Variants in MBOAT1 observed in about 807,000 individuals in gnomAD.
MBOAT1 encodes the protein membrane-bound glycerophospholipid O-acyltransferase 1.
MBOAT1 carries 67 observed loss-of-function variants against 64.4 expected under a neutral mutation model. The ratio of observed to expected loss-of-function variants is 1.04; its 90% CI spans 0.85 to 1.27. The LOEUF is 1.27. MBOAT1 is among the 50% of genes most tolerant of loss of function. The pLI is 0.00. For missense variants in MBOAT1, 563 were observed against 604.6 expected, an observed-to-expected ratio of 0.93 and a Z score of 0.72; for synonymous variants, 229 against 218.9, an observed-to-expected ratio of 1.05 and a Z score of -0.41.
chr6:20,191,879 G>T (rs867047322), intron 1 of MBOAT1, among the ~76,000 whole-genome samples: 1 of 152,112 alleles, frequency 6.6e-6, no homozygotes, highest in Non-Finnish European at 1.5e-5. Flanking sequence ...ACTCCCATAT[G>T]ATAGAACAAA....
chr6:20,104,546 G>C (rs1439239290), intron 12 of MBOAT1, among the ~76,000 whole-genome samples: 1 of 152,244 alleles, frequency 6.6e-6, no homozygotes, highest in East Asian at 1.9e-4. Context: ...ATCAATACCT[G>C]CAAGTAATTA....
Position 20,112,175 on chromosome 6 carries a change from T to G in MBOAT1, c.1209+701A>C, listed in dbSNP as rs1455007175. Among the ~76,000 whole-genome samples, 3 of 151,700 alleles carry G rather than the reference T, an allele frequency of 2.0e-5. No individual in the cohort carries two copies. In the East Asian group the frequency reaches 5.8e-4, roughly 30 times the overall value. Reference sequence around the variant, plus strand: ...ATTAAAACAAAATTAAATACAAAACTCCTGTATTTGGCAATGAAAGCACTG... The same window carrying G: ...ATTAAAACAAAATTAAATACAAAACGCCTGTATTTGGCAATGAAAGCACTG... On this transcript the variant is annotated intron_variant, in intron 11 of 12. Transcript: ENST00000324607.
intron 1 of MBOAT1, among the ~76,000 whole-genome samples, chr6:20,185,682 C>T (rs188781468): frequency 6.5e-4 from 99 of 152,300 alleles, no homozygotes; most frequent in Middle Eastern, 3.4e-3. Context: ...AGCCTAGCAC[C>T]CATGACAGTG....
chr6:20,110,463 G>A (rs2113629755), intron 11 of MBOAT1, among the ~76,000 whole-genome samples: 1 of 148,726 alleles, frequency 6.7e-6, no homozygotes, highest in East Asian at 2.0e-4. Context: ...CAATCCTTCT[G>A]CCTCGGCCTC....
At chr6:20,164,306 A>C (rs1761952300) in intron 1 of MBOAT1, among the ~76,000 whole-genome samples, 1 of 151,992 alleles carries the variant, frequency 6.6e-6, no homozygotes, top group Non-Finnish European at 1.5e-5. Flanking sequence ...CATCATGAAA[A>C]GTAACCTCAA....
chr6:20,212,367 G>C lies in MBOAT1; in HGVS notation c.-133C>G. The C allele has an allele frequency of 1.3e-6, 1 of 757,246 alleles. No homozygotes were observed. The highest frequency in any genetic ancestry group is 2.8e-5 in the East Asian group (1 of 36,060). 46.9% of individuals were successfully genotyped at this position (757,246 alleles called of 1,614,324 possible). A position where few individuals can be genotyped will look rare whatever the true frequency, so the allele number is the denominator to read the frequency against. ...GCCTGGTTCGCGGGGGAGCGAACGG[G>C]AGGCCGGGGAATGCGAACCGGCGCA... On this transcript the variant is annotated 5_prime_UTR_variant, in exon 1 of 13. Transcript: ENST00000324607.
intron 1 of MBOAT1, among the ~76,000 whole-genome samples, chr6:20,155,351 G>C (rs1421044254): frequency 6.6e-6 from 1 of 152,168 alleles, no homozygotes; most frequent in Non-Finnish European, 1.5e-5. Flanking sequence ...AGAGAAACAA[G>C]GTATGTTCCC....
At position 20,128,591 on chromosome 6, in the gene MBOAT1, ATATT is replaced by A. The variant is rs1010709316; in HGVS notation, c.530+104_530+107del. 52 of 761,796 alleles carry A rather than the reference ATATT, an allele frequency of 6.8e-5. No individual in the cohort carries two copies. In the African/African-American group the frequency reaches 8.7e-4, roughly 13 times the overall value. 47.2% of individuals were successfully genotyped at this position (761,796 alleles called of 1,614,324 possible). On this transcript the variant is annotated intron_variant, in intron 6 of 12. Coordinates refer to ENST00000324607, the MANE Select transcript of MBOAT1 (RefSeq NM_001080480.3). Reference sequence around the variant, plus strand: ...CAATAGCAGATTCATAAAATAAATGATATTATATCCATAGAACAGAATTAATGTG... The same window carrying A: ...CAATAGCAGATTCATAAAATAAATGAATATCCATAGAACAGAATTAATGTG...
intron 7 of MBOAT1, among the ~76,000 whole-genome samples, chr6:20,125,137 A>G (rs1289369879): frequency 6.6e-6 from 1 of 151,980 alleles, no homozygotes; most frequent in Non-Finnish European, 1.5e-5. Context: ...GATATAGTCT[A>G]CTCTGGGGTT....
chr6:20,207,280 C>T (rs1763292498), intron 1 of MBOAT1, among the ~76,000 whole-genome samples: 1 of 152,168 alleles, frequency 6.6e-6, no homozygotes, highest in Non-Finnish European at 1.5e-5. Context: ...CTTCCGTATG[C>T]CTTCACAAAA....
At chr6:20,107,069 C>A (rs1759979941) in intron 12 of MBOAT1, among the ~76,000 whole-genome samples, 1 of 152,140 alleles carries the variant, frequency 6.6e-6, no homozygotes, top group African/African-American at 2.4e-5. Context: ...TCCTAAAGAA[C>A]TTTTTAGTAA....
At chr6:20,112,233 T>C (rs920065129) in intron 11 of MBOAT1, among the ~76,000 whole-genome samples, 1 of 152,106 alleles carries the variant, frequency 6.6e-6, no homozygotes, top group Non-Finnish European at 1.5e-5. Flanking sequence ...GTTCGTCTCC[T>C]TCTTGGAGGA....
chr6:20,122,491 C>T (rs940880072), intron 8 of MBOAT1, among the ~76,000 whole-genome samples: 2 of 152,152 alleles, frequency 1.3e-5, no homozygotes, highest in Non-Finnish European at 2.9e-5. Flanking sequence ...TACAAAACTC[C>T]TCAAATTAAA....
intron 1 of MBOAT1, among the ~76,000 whole-genome samples, chr6:20,162,671 C>T (rs1362783453): frequency 6.6e-6 from 1 of 152,178 alleles, no homozygotes; most frequent in African/African-American, 2.4e-5. Flanking sequence ...AAAACTCGCA[C>T]AAAGTCAATG....
intron 1 of MBOAT1, among the ~76,000 whole-genome samples, chr6:20,170,892 CTGAA>C (rs36129397): frequency 0.47 from 71,230 of 150,426 alleles, 16,881 homozygotes; most frequent in Admixed American, 0.52. Context: ...TCTCAATATT[CTGAA>C]TGAATGAATG....
chr6:20,104,065 A>G (rs1759881476), intron 12 of MBOAT1, among the ~76,000 whole-genome samples: 1 of 152,178 alleles, frequency 6.6e-6, no homozygotes, highest in Non-Finnish European at 1.5e-5. Flanking sequence ...ATACACAAAT[A>G]CTTATTGTGT....
At chr6:20,135,812 A>C (rs1486190678) in intron 4 of MBOAT1, among the ~76,000 whole-genome samples, 1 of 152,200 alleles carries the variant, frequency 6.6e-6, no homozygotes, top group Non-Finnish European at 1.5e-5. Flanking sequence ...GAAAAGCAGG[A>C]AGTCAGGCAA....
intron 1 of MBOAT1, among the ~76,000 whole-genome samples, chr6:20,177,874 T>G (rs1010667957): frequency 6.6e-6 from 1 of 152,052 alleles, no homozygotes; most frequent in Non-Finnish European, 1.5e-5. Flanking sequence ...CTTTTGTCTC[T>G]TTCCCCAAAG....
chr6:20,149,542 C>T (rs563793211), intron 3 of MBOAT1, among the ~76,000 whole-genome samples: 1 of 152,224 alleles, frequency 6.6e-6, no homozygotes, highest in East Asian at 1.9e-4. Flanking sequence ...CTTTTATAAT[C>T]ATTTTGTCAT....
Sources: allele counts gnomAD v4.1 joint callset (sites outside exome capture counted in the v4.1 genomes callset), GRCh38; gene constraint gnomAD v4.1.1; transcripts MANE v1.5; gene names NCBI Gene and HGNC (gene_info 2026-07-23, HGNC 2026-07-21).